The following ZC3H18 variants were observed in gnomAD, a reference collection of about 807,000 sequenced individuals.
ZC3H18 encodes zinc finger CCCH-type containing 18, also known as zinc finger CCCH domain-containing protein 18.
Under a neutral mutation model 106.1 loss-of-function variants are expected in ZC3H18, and 8 were observed. The observed-to-expected ratio is 0.08, with a 90% CI of 0.04 to 0.14. The LOEUF (loss-of-function observed/expected upper bound fraction) is 0.14, where lower values mean the gene tolerates loss of function less well. Ranked by LOEUF, ZC3H18 falls within the 10% of genes least tolerant of loss-of-function variation. The probability of loss-of-function intolerance (pLI) is 1.00; values close to 1 mark genes in which losing one functional copy is unlikely to be tolerated. For missense variants in ZC3H18, 1,318 were observed against 1,278.4 expected (o/e 1.03, Z -0.47); for synonymous variants, 635 against 522.1 (o/e 1.22, Z -2.95).
intron 5 of ZC3H18, 82 bp downstream of exon 5, chr16:88,598,794 C>A: frequency 8.0e-7 from 1 of 1,255,980 alleles, no homozygotes; most frequent in South Asian, 1.3e-5. Flanking sequence ...TTTCCTCGGT[C>A]CAGAGAGAGC....
chr16:88,577,842 G>A (rs1914861019), intron 2 of ZC3H18, 116 bp downstream of exon 2: 2 of 1,550,804 alleles, frequency 1.3e-6, no homozygotes, highest in Non-Finnish European at 8.7e-7. Flanking sequence ...TACTAGGGAT[G>A]GTGCAGGAGA....
Position 88,631,318 on chromosome 16 carries a change from T to C in ZC3H18, c.*19T>C, listed in dbSNP as rs1597365556. 6.4e-7 allele frequency: 1 copy of C among 1,557,546 alleles called. No homozygotes were observed. Among genetic ancestry groups the C allele is most frequent in the Non-Finnish European group, 8.7e-7 (1 of 1,150,292 alleles). On this transcript the variant is annotated 3_prime_UTR_variant, in exon 18 of 18. Transcript: ENST00000301011. ...AGCATAGGCCGTGCCCCGACCGGAC[T>C]GGACGCATTTTTATACATAGGGTAA...
chr16:88,586,535 T>C, intron 2 of ZC3H18, 65 bp from the exon 3 acceptor site: 1 of 1,352,474 alleles, frequency 7.4e-7, no homozygotes, highest in Admixed American at 1.7e-5. Context: ...CCCCTTCTGG[T>C]TTGGAGAAAG....
chr16:88,624,469 G>T, intron 11 of ZC3H18, 133 bp from the exon 12 acceptor site: 2 of 1,324,748 alleles, frequency 1.5e-6, no homozygotes, highest in Non-Finnish European at 2.1e-6. Flanking sequence ...GCCGTGTCCA[G>T]GCACGAGCGT....
chr16:88,586,816 T>G (rs1250345584), intron 3 of ZC3H18, 132 bp downstream of exon 3: 5 of 583,196 alleles, frequency 8.6e-6, no homozygotes, highest in East Asian at 3.0e-5. Context: ...TAGGTGGTGG[T>G]GGTGGTGGTG....
At chr16:88,599,510 G>A (rs184342012) in intron 5 of ZC3H18, among the ~76,000 whole-genome samples, 2 of 152,344 alleles carry the variant, frequency 1.3e-5, no homozygotes, top group African/African-American at 4.8e-5. Context: ...CTGAGTGACT[G>A]AACCCTGGAT....
rs943980890 is a variant in ZC3H18, at chr16:88,628,107, A to G, written c.2457A>G (p.Thr819=). ...TGGCCCACAAGGAGATCAAGTTGACACTGTTGAATAAGGTGAGGGCAAGGG... is the reference window on the plus strand; with the variant it reads ...TGGCCCACAAGGAGATCAAGTTGACGCTGTTGAATAAGGTGAGGGCAAGGG... ...TFVAHKEIKL[T]LLNKAADKGS... is the part of the protein sequence containing the mutation. The change falls in exon 15 of 18, where the codon ACA becomes ACG. Residue 819 remains threonine (T), a synonymous_variant. Transcript: ENST00000301011. 2 of 1,613,722 alleles carry G rather than the reference A, an allele frequency of 1.2e-6. No individual in the cohort carries two copies. The highest frequency in any genetic ancestry group is 1.7e-6 in the Non-Finnish European group (2 of 1,179,838).
chr16:88,616,501 C>T (rs1029246835), intron 8 of ZC3H18, among the ~76,000 whole-genome samples: 1 of 152,206 alleles, frequency 6.6e-6, no homozygotes, highest in African/African-American at 2.4e-5. Context: ...TGGCTTCACT[C>T]ACCTTTGCGG....
chr16:88,591,495 C>A (rs1012488475), intron 3 of ZC3H18, among the ~76,000 whole-genome samples: 1 of 151,998 alleles, frequency 6.6e-6, no homozygotes, highest in Admixed American at 6.5e-5. Context: ...TCGCTTGAAC[C>A]CAGTAGGTGG....
chr16:88,607,263 A>C lies in ZC3H18; in HGVS notation c.1089-1671A>C, dbSNP rs114450310. ...GCCGGTTTTCATGTGCTGCGATGGC[A>C]CTGGCTTAATTATACAGGCTTTTTA... is the stretch of plus-strand genomic sequence containing the variant. On this transcript the variant is annotated intron_variant, in intron 6 of 17. Coordinates refer to ENST00000301011, the MANE Select transcript of ZC3H18 (RefSeq NM_144604.4). 3.8e-3 allele frequency among the ~76,000 whole-genome samples: 586 copies of C among 152,220 alleles called. 4 individuals are homozygous for C. The highest frequency in any genetic ancestry group is 0.014 in the African/African-American group (576 of 41,530).
intron 2 of ZC3H18, among the ~76,000 whole-genome samples, chr16:88,584,389 T>C (rs1915315815): frequency 6.7e-6 from 1 of 148,444 alleles, no homozygotes; most frequent in Non-Finnish European, 1.5e-5. Context: ...GCCACTGCAC[T>C]CCAGCCTGGG....
chr16:88,579,781 G>A (rs62050300), intron 2 of ZC3H18, among the ~76,000 whole-genome samples: 35,651 of 152,170 alleles, frequency 0.23, 4,308 homozygotes, highest in Middle Eastern at 0.33. Flanking sequence ...GGGGAGGCAG[G>A]TTTCTTCCAC....
At chr16:88,609,443 A>C (rs534037721) in intron 7 of ZC3H18, among the ~76,000 whole-genome samples, 17 of 151,784 alleles carry the variant, frequency 1.1e-4, no homozygotes, top group African/African-American at 4.1e-4. Context: ...GACCACACGC[A>C]TGCACCACCA....
intron 12 of ZC3H18, 87 bp downstream of exon 12, chr16:88,624,832 A>G: frequency 6.7e-7 from 1 of 1,486,568 alleles, no homozygotes. Context: ...CCAGAGTGCC[A>G]GGGTCCAGAG....
chr16:88,599,734 T>G, intron 5 of ZC3H18, 57 bp from the exon 6 acceptor site: 1 of 1,560,694 alleles, frequency 6.4e-7, no homozygotes, highest in Non-Finnish European at 8.6e-7. Context: ...TTGTGTTTCC[T>G]AACAGCGACG....
intron 8 of ZC3H18, among the ~76,000 whole-genome samples, chr16:88,619,818 G>A (rs1905849781): frequency 6.6e-6 from 1 of 152,220 alleles, no homozygotes; most frequent in Admixed American, 6.5e-5. Context: ...TGTTGGAAGG[G>A]CCGCGCTGTC....
chr16:88,580,747 C>G (rs907418907), intron 2 of ZC3H18, among the ~76,000 whole-genome samples: 1 of 152,186 alleles, frequency 6.6e-6, no homozygotes, highest in East Asian at 1.9e-4. Flanking sequence ...GAGCAGTCAG[C>G]TTCCCACCAG....
At chr16:88,575,638 C>T (rs779522246) in intron 1 of ZC3H18, among the ~76,000 whole-genome samples, 1 of 151,922 alleles carries the variant, frequency 6.6e-6, no homozygotes, top group South Asian at 2.1e-4. Context: ...GAGGGAAACT[C>T]GAAAATATTA....
chr16:88,599,215 C>T (rs965438800), intron 5 of ZC3H18, among the ~76,000 whole-genome samples: 1 of 152,188 alleles, frequency 6.6e-6, no homozygotes, highest in South Asian at 2.1e-4. Flanking sequence ...AGCCGCACCC[C>T]CAGGATCTGC....
Sources: gnomAD v4.1 joint callset for allele counts (sites outside exome capture counted in the v4.1 genomes callset) on GRCh38, gnomAD v4.1.1 for gene constraint, MANE v1.5 for transcripts, NCBI Gene and HGNC (gene_info 2026-07-23, HGNC 2026-07-21) for gene names.